The following SMARCA2 variants were observed in gnomAD, a reference collection of about 807,000 sequenced individuals.
The protein encoded by SMARCA2 is SWI/SNF-related matrix-associated actin-dependent regulator of chromatin subfamily A member 2.
In SMARCA2, 61 loss-of-function variants were observed where a neutral mutation model predicts 199.8. The ratio of observed to expected loss-of-function variants is 0.31; its 90% CI spans 0.25 to 0.38. SMARCA2 has a LOEUF of 0.38. SMARCA2 is among the 10% of genes least tolerant of loss of function. The probability of loss-of-function intolerance (pLI) is 1.00; values close to 1 mark genes in which losing one functional copy is unlikely to be tolerated. For synonymous variants in SMARCA2, 935 were observed against 732.0 expected (o/e 1.28, Z -4.48); for missense variants, 1,344 against 2,012.2 (o/e 0.67, Z 6.35).
intron 27 of SMARCA2, among the ~76,000 whole-genome samples, chr9:2,155,655 G>T (rs536092509): frequency 6.8e-6 from 1 of 147,384 alleles, no homozygotes; most frequent in African/African-American, 2.5e-5. Flanking sequence ...TGTGTAAGCC[G>T]TAGCTCCCCT....
intron 9 of SMARCA2, among the ~76,000 whole-genome samples, chr9:2,064,463 A>G (rs1005817126): frequency 2.0e-5 from 3 of 152,246 alleles, no homozygotes; most frequent in African/African-American, 7.2e-5. Flanking sequence ...ACATTATTTC[A>G]TCAAGCAATT....
chr9:2,024,854 T>G (rs572689782), intron 1 of SMARCA2, among the ~76,000 whole-genome samples: 1 of 152,334 alleles, frequency 6.6e-6, no homozygotes, highest in Non-Finnish European at 1.5e-5. Context: ...CCCTCATCTT[T>G]TCAATGGCGT....
intron 1 of SMARCA2, among the ~76,000 whole-genome samples, chr9:2,021,787 C>G (rs1006599384): frequency 6.6e-6 from 1 of 151,856 alleles, no homozygotes; most frequent in Non-Finnish European, 1.5e-5. Flanking sequence ...ATATTGAATA[C>G]AAGTAACAAA....
chr9:2,177,048 A>T (rs1826658496), intron 29 of SMARCA2, among the ~76,000 whole-genome samples: 1 of 152,184 alleles, frequency 6.6e-6, no homozygotes, highest in Non-Finnish European at 1.5e-5. Flanking sequence ...GATGCTTGTA[A>T]CACCTGCTTC....
intron 7 of SMARCA2, 151 bp from the exon 8 acceptor site, chr9:2,058,140 A>G: frequency 1.5e-6 from 1 of 680,398 alleles, no homozygotes; most frequent in Non-Finnish European, 2.6e-6. Context: ...CCTTAACTGC[A>G]GAGACACCAG....
chr9:2,125,625 G>A (rs955811270), intron 27 of SMARCA2, among the ~76,000 whole-genome samples: 5 of 152,072 alleles, frequency 3.3e-5, no homozygotes, highest in African/African-American at 1.2e-4. Flanking sequence ...CAGTAGCTGG[G>A]ATTACAGGCG....
rs145095906 is a variant in SMARCA2 at position 2,182,478 on chromosome 9, C to CTT, written c.4461+262_4461+263dup. On this transcript the variant is annotated intron_variant, in intron 31 of 33. Coordinates refer to ENST00000349721, the MANE Select transcript of SMARCA2 (RefSeq NM_003070.5). Reference sequence around the variant, plus strand: ...CACACTTCTTTTCAAAGCTTATAGTCTTTTTTTTTTTTTTTTTTTTTTTTT... The same window carrying CTT: ...CACACTTCTTTTCAAAGCTTATAGTCTTTTTTTTTTTTTTTTTTTTTTTTTTT... 1.6e-3 allele frequency among the ~76,000 whole-genome samples: 150 copies of CTT among 96,692 alleles called. 2 individuals carry two copies. Among genetic ancestry groups the CTT allele is most frequent in the African/African-American group, 2.6e-3 (71 of 26,950 alleles). The allele number at this position is 96,692 out of a possible 152,430, so 63.4% of individuals were successfully genotyped here.
Position 2,017,697 on chromosome 9 carries a change from G to C in SMARCA2, c.-37+2293G>C, listed in dbSNP as rs1818420794. ...CGGGGGCCGGGCCGCGGGCTGTGGC[G>C]CGGGCCTAGAGCCGCGGCTCGGAGA... On this transcript the variant is annotated intron_variant, in intron 1 of 33. Coordinates refer to ENST00000349721, the MANE Select transcript of SMARCA2 (RefSeq NM_003070.5). This position sits in a 1 kb window ranked among gnomAD's most constrained non-coding sequence, Gnocchi z 8.8. 1 of 152,134 alleles carries C rather than the reference G, an allele frequency of 6.6e-6. No homozygotes were observed. Among genetic ancestry groups the C allele is most frequent in the Non-Finnish European group, 1.5e-5 (1 of 68,038 alleles). 9.4% of individuals were successfully genotyped at this position (152,134 alleles called of 1,614,324 possible). A position where few individuals can be genotyped will look rare whatever the true frequency, so the allele number is the denominator to read the frequency against.
chr9:2,135,985 G>A (rs1235680269), intron 27 of SMARCA2, among the ~76,000 whole-genome samples: 1 of 151,826 alleles, frequency 6.6e-6, no homozygotes, highest in East Asian at 1.9e-4. Flanking sequence ...GGGACTACAG[G>A]CGAGTGCCAC....
intron 24 of SMARCA2, among the ~76,000 whole-genome samples, chr9:2,114,883 T>G (rs1474505282): frequency 2.0e-5 from 3 of 152,172 alleles, no homozygotes; most frequent in Non-Finnish European, 4.4e-5. Context: ...TATAGATAAA[T>G]TTGCACATGT....
chr9:2,073,406 G>A (rs1248174945), intron 11 of SMARCA2, 64 bp downstream of exon 11: 4 of 1,596,270 alleles, frequency 2.5e-6, no homozygotes, highest in Admixed American at 3.4e-5. Flanking sequence ...AATCTTGTAC[G>A]ATCTCGAAAC....
At chr9:2,166,648 T>G (rs1337869949) in intron 28 of SMARCA2, among the ~76,000 whole-genome samples, 1 of 152,208 alleles carries the variant, frequency 6.6e-6, no homozygotes, top group Non-Finnish European at 1.5e-5. Context: ...ATCTAAGTTT[T>G]TTCATCCAAA....
chr9:2,156,808 A>G (rs1221496094), intron 27 of SMARCA2, among the ~76,000 whole-genome samples: 1 of 152,130 alleles, frequency 6.6e-6, no homozygotes, highest in Non-Finnish European at 1.5e-5. Flanking sequence ...CCAACATCCC[A>G]TCTTCAGAAC....
At chr9:2,029,352 C>A in intron 2 of SMARCA2, 105 bp downstream of exon 2, 1 of 1,461,198 alleles carries the variant, frequency 6.8e-7, no homozygotes, top group South Asian at 1.3e-5. Flanking sequence ...GAAAATCATG[C>A]AAGATCTTTG....
At chr9:2,097,540 A>C in intron 21 of SMARCA2, 69 bp downstream of exon 21, 1 of 976,326 alleles carries the variant, frequency 1.0e-6, no homozygotes, top group Non-Finnish European at 1.5e-6. Context: ...AAAAAAACAA[A>C]CAAACAGGAA....
intron 3 of SMARCA2, among the ~76,000 whole-genome samples, chr9:2,038,051 C>G (rs1030351232): frequency 1.1e-4 from 17 of 152,188 alleles, no homozygotes; most frequent in African/African-American, 4.1e-4. Context: ...ATAAACCAAA[C>G]AGTTTACTCT....
At chr9:2,188,244 A>ATTATACTCTGTT (rs1707490911) in intron 32 of SMARCA2, among the ~76,000 whole-genome samples, 3 of 152,274 alleles carry the variant, frequency 2.0e-5, no homozygotes, top group African/African-American at 7.2e-5. Context: ...TAACGTGTTA[A>ATTATACTCTGTT]TTATACTCTG....
At position 2,104,637 on chromosome 9, in the gene SMARCA2, C is replaced by T. The variant is rs535103862; in HGVS notation, c.3292+468C>T. Among the ~76,000 whole-genome samples, 5 of 152,134 alleles carry T rather than the reference C, an allele frequency of 3.3e-5. No homozygotes were observed. Among genetic ancestry groups the T allele is most frequent in the East Asian group, 3.8e-4 (2 of 5,196 alleles). On this transcript the variant is annotated intron_variant, in intron 23 of 33. Transcript: ENST00000349721. This position sits in a 1 kb window ranked among gnomAD's most constrained non-coding sequence, Gnocchi z 4.0. ...AAAGCCCCTCTCTTCCTAAATAAGA[C>T]GTATCCACATGTTACATTGTTAAGA...
chr9:2,074,657 A>G (rs1248906960), intron 12 of SMARCA2, among the ~76,000 whole-genome samples: 1 of 152,228 alleles, frequency 6.6e-6, no homozygotes, highest in African/African-American at 2.4e-5. Flanking sequence ...GCTTGAGTCC[A>G]GGAGTTCGAG....
Sources: gnomAD v4.1 joint callset for allele counts (sites outside exome capture counted in the v4.1 genomes callset) on GRCh38, gnomAD v4.1.1 for gene constraint, Gnocchi (gnomAD v3.1) non-coding constraint, MANE v1.5 for transcripts, NCBI Gene and HGNC (gene_info 2026-07-23, HGNC 2026-07-21) for gene names.